TULP4: variants seen among roughly 807,000 people sequenced by gnomAD.
TULP4 encodes the protein tubby-related protein 4.
TULP4 carries 16 observed loss-of-function variants against 129.0 expected under a neutral mutation model. The observed-to-expected ratio is 0.12, with a 90% CI of 0.08 to 0.19. TULP4 has a LOEUF of 0.19. TULP4 is among the 10% of genes least tolerant of loss of function. The pLI is 1.00. For missense variants in TULP4, 1,842 were observed against 2,059.1 expected, an observed-to-expected ratio of 0.89 and a Z score of 2.04; for synonymous variants, 998 against 854.0, an observed-to-expected ratio of 1.17 and a Z score of -2.94.
intron 1 of TULP4, among the ~76,000 whole-genome samples, chr6:158,391,503 T>C (rs1777584333): frequency 6.6e-6 from 1 of 152,194 alleles, no homozygotes; most frequent in Non-Finnish European, 1.5e-5. Context: ...AAAGGCAAAG[T>C]TGGTGACTAA....
chr6:158,474,972 G>T (rs1457297619), intron 6 of TULP4, among the ~76,000 whole-genome samples: 2 of 152,184 alleles, frequency 1.3e-5, no homozygotes, highest in African/African-American at 4.8e-5. Flanking sequence ...TTGATTCATT[G>T]TCAGTCCCCT....
chr6:158,493,425 A>C lies in TULP4; in HGVS notation c.1632-148A>C. 2.1e-5 allele frequency: 14 copies of C among 682,794 alleles called. No individual in the cohort carries two copies. Among genetic ancestry groups the C allele is most frequent in the Non-Finnish European group, 2.4e-5 (11 of 454,590 alleles). The allele number at this position is 682,794 out of a possible 1,614,324, so 42.3% of individuals were successfully genotyped here. Reference sequence around the variant, plus strand: ...ATATTCATAAAGCAAAAGCAAGGGGAGAGCTTTGTTAAATTCGGGCACTGG... The same window carrying C: ...ATATTCATAAAGCAAAAGCAAGGGGCGAGCTTTGTTAAATTCGGGCACTGG... On this transcript the variant is annotated intron_variant, in intron 9 of 13. Coordinates refer to ENST00000367097, the MANE Select transcript of TULP4 (RefSeq NM_020245.5). The surrounding 1 kb of genome is among the most constrained non-coding windows in gnomAD (Gnocchi z 4.4).
intron 1 of TULP4, among the ~76,000 whole-genome samples, chr6:158,357,957 T>G (rs1228216000): frequency 1.3e-5 from 2 of 152,234 alleles, no homozygotes; most frequent in African/African-American, 4.8e-5. Flanking sequence ...CTCATTCTTC[T>G]GGACCCAGTG....
intron 6 of TULP4, among the ~76,000 whole-genome samples, chr6:158,475,537 A>G (rs1226769504): frequency 1.3e-5 from 2 of 152,256 alleles, no homozygotes; most frequent in Non-Finnish European, 2.9e-5. Context: ...CCTAGCAGAC[A>G]GCAGCTGTTC....
At chr6:158,430,711 G>A (rs1486070944) in intron 3 of TULP4, among the ~76,000 whole-genome samples, 1 of 152,200 alleles carries the variant, frequency 6.6e-6, no homozygotes, top group African/African-American at 2.4e-5. Context: ...GTGCCACTGC[G>A]CTCCAGCCTG....
At chr6:158,500,324 T>C (rs1582882733) in intron 12 of TULP4, among the ~76,000 whole-genome samples, 4 of 152,190 alleles carry the variant, frequency 2.6e-5, no homozygotes. Context: ...ACAGGAATCA[T>C]AGGAAACCTG....
At chr6:158,261,504 C>T (rs996412777) in intron 1 of TULP4, among the ~76,000 whole-genome samples, 2 of 152,144 alleles carry the variant, frequency 1.3e-5, no homozygotes, top group African/African-American at 4.8e-5. Flanking sequence ...CTCTTGGGAC[C>T]TGGTAAATGT....
chr6:158,488,802 G>C (rs1406440080), intron 8 of TULP4, among the ~76,000 whole-genome samples: 1 of 151,936 alleles, frequency 6.6e-6, no homozygotes, highest in Non-Finnish European at 1.5e-5. Flanking sequence ...AGTGGAGGGG[G>C]GTGTGTGGGG....
rs1780707893 is a variant in TULP4, at chr6:158,510,288, T to C, written c.*3594T>C. Reference sequence around the variant, plus strand: ...CCTTGTCAAGTGTCTCACAAGGACATGGAAGAATGTGTTATGTTCATCTTG... The same window carrying C: ...CCTTGTCAAGTGTCTCACAAGGACACGGAAGAATGTGTTATGTTCATCTTG... On this transcript the variant is annotated 3_prime_UTR_variant, in exon 14 of 14. Coordinates refer to ENST00000367097, the MANE Select transcript of TULP4 (RefSeq NM_020245.5). The C allele has an allele frequency of 6.6e-6, 1 of 152,422 alleles. No homozygotes were observed. 9.4% of individuals were successfully genotyped at this position (152,422 alleles called of 1,614,324 possible).
chr6:158,297,944 C>T (rs892757523), intron 1 of TULP4, among the ~76,000 whole-genome samples: 2 of 152,114 alleles, frequency 1.3e-5, no homozygotes, highest in Non-Finnish European at 2.9e-5. Flanking sequence ...TTATCTCAAC[C>T]GCATAAGACA....
At chr6:158,285,292 T>TAATCACAACAAA (rs1458947025) in intron 1 of TULP4, among the ~76,000 whole-genome samples, 54 of 152,308 alleles carry the variant, frequency 3.5e-4, no homozygotes, top group African/African-American at 1.2e-3. Flanking sequence ...AATATGTTGT[T>TAATCACAACAAA]TATTAACAAT....
intron 1 of TULP4, among the ~76,000 whole-genome samples, chr6:158,324,618 T>C (rs1410174298): frequency 1.3e-5 from 2 of 152,230 alleles, no homozygotes; most frequent in African/African-American, 4.8e-5. Flanking sequence ...TGCATGGATA[T>C]AATGTTGTCT....
At chr6:158,237,129 CTG>C (rs199865337) in intron 1 of TULP4, among the ~76,000 whole-genome samples, 1,671 of 152,050 alleles carry the variant, frequency 0.011, 35 homozygotes, top group African/African-American at 0.037. Context: ...TCCTCATAAT[CTG>C]TACAAAGCTA....
At chr6:158,322,619 G>T (rs1262842718) in intron 1 of TULP4, among the ~76,000 whole-genome samples, 1 of 152,094 alleles carries the variant, frequency 6.6e-6, no homozygotes. Flanking sequence ...TTCAGTTACT[G>T]TTCTGACTCA....
chr6:158,243,925 G>A (rs1018781095), intron 1 of TULP4, among the ~76,000 whole-genome samples: 1 of 151,086 alleles, frequency 6.6e-6, no homozygotes, highest in African/African-American at 2.4e-5. Flanking sequence ...TTACCTTGAG[G>A]TATAGAGTGT....
chr6:158,366,161 C>A (rs1010999704), intron 1 of TULP4, among the ~76,000 whole-genome samples: 3 of 152,012 alleles, frequency 2.0e-5, no homozygotes, highest in Non-Finnish European at 4.4e-5. Flanking sequence ...CCTTGACCTC[C>A]CAAAGTGCTG....
intron 1 of TULP4, among the ~76,000 whole-genome samples, chr6:158,239,958 T>C (rs1404944039): frequency 4.9e-5 from 3 of 61,830 alleles, no homozygotes; most frequent in Admixed American, 4.2e-4. Flanking sequence ...CCCCCCCACC[T>C]CCCTCCCGGA....
intron 1 of TULP4, among the ~76,000 whole-genome samples, chr6:158,273,968 C>G (rs6906854): frequency 2.6e-5 from 4 of 152,110 alleles, no homozygotes; most frequent in Middle Eastern, 3.2e-3. Flanking sequence ...CGGTTAAAAC[C>G]TGCCTCCCGG....
chr6:158,314,461 C>T (rs1410042088), intron 1 of TULP4, among the ~76,000 whole-genome samples, 193 bp downstream of exon 1: 1 of 152,172 alleles, frequency 6.6e-6, no homozygotes, highest in East Asian at 1.9e-4. Flanking sequence ...GGCTGCGCCT[C>T]CCCAGGTGGG....
Sources: gnomAD v4.1 joint callset for allele counts (sites outside exome capture counted in the v4.1 genomes callset) on GRCh38, gnomAD v4.1.1 for gene constraint, Gnocchi (gnomAD v3.1) non-coding constraint, MANE v1.5 for transcripts, NCBI Gene and HGNC (gene_info 2026-07-23, HGNC 2026-07-21) for gene names.